The following SAMD11 variants were observed in gnomAD, a reference collection of about 807,000 sequenced individuals.
SAMD11 encodes the protein sterile alpha motif domain-containing protein 11.
SAMD11 carries 77 observed loss-of-function variants against 64.4 expected under a neutral mutation model. That is an observed-to-expected ratio of 1.20 (90% confidence interval 0.99 to 1.44). SAMD11 has a LOEUF of 1.44. Ranked by LOEUF, SAMD11 falls within the 40% of genes most tolerant of loss-of-function variation. The probability of loss-of-function intolerance (pLI) is 0.00; values close to 1 mark genes in which losing one functional copy is unlikely to be tolerated. For synonymous variants in SAMD11, 658 were observed against 421.9 expected, an observed-to-expected ratio of 1.56 and a Z score of -6.86; for missense variants, 1,402 against 943.3, an observed-to-expected ratio of 1.49 and a Z score of -6.37.
At chr1:939,754 C>A (rs1641648326) in intron 7 of SAMD11, among the ~76,000 whole-genome samples, 5 of 152,136 alleles carry the variant, frequency 3.3e-5, no homozygotes, top group Admixed American at 3.3e-4. Context: ...GCTCCTGGAC[C>A]CTGTGGTCTG....
rs749027272 is a variant in SAMD11 at position 926,009 on chromosome 1, C to G, written c.605C>G (p.Pro202Arg). The G allele has an allele frequency of 1.4e-5, 23 of 1,611,444 alleles. No individual in the cohort carries two copies. Among genetic ancestry groups the G allele is most frequent in the Non-Finnish European group, 1.9e-5 (23 of 1,179,838 alleles). The change falls in exon 2 of 14, where the codon CCG becomes CGG. Residue 202 changes from proline to arginine, a missense_variant. By Grantham distance (103) the Pro-to-Arg change is moderately radical. Transcript: ENST00000616016. ...TGCCCGGGCTGCCGAATATCCTCCC[C>G]GGTGGTGAGATGCGGGGCTCGGTTG... is the stretch of plus-strand genomic sequence containing the variant. ...CDCPGCRISS[P>R]VNRGRLADKR...
At chr1:929,283 A>C (rs1318987540) in intron 2 of SAMD11, among the ~76,000 whole-genome samples, 9 of 151,888 alleles carry the variant, frequency 5.9e-5, no homozygotes, top group Non-Finnish European at 2.9e-5. Flanking sequence ...CTCCCACCCG[A>C]GGCACCCACA....
chr1:931,181 G>T, intron 4 of SAMD11, 92 bp downstream of exon 4: 2 of 1,159,284 alleles, frequency 1.7e-6, no homozygotes, highest in African/African-American at 1.6e-5. Flanking sequence ...GCTGTCCGCT[G>T]TCTCAGCGTG....
At position 944,160 on chromosome 1, in the gene SAMD11, C is replaced by G. The variant is rs375115805; in HGVS notation, c.*7C>G. ...TTCCCAGCCTCTGTGTTGAGGTTGC[C>G]GGGGGTAGGGGTGGGGCCACACAAA... is the stretch of plus-strand genomic sequence containing the variant. On this transcript the variant is annotated 3_prime_UTR_variant, in exon 14 of 14. Coordinates refer to ENST00000616016, the MANE Select transcript of SAMD11 (RefSeq NM_001385641.1). The G allele has an allele frequency of 6.5e-6, 10 of 1,540,718 alleles. No individual in the cohort carries two copies. Among genetic ancestry groups the G allele is most frequent in the Non-Finnish European group, 8.8e-6 (10 of 1,142,198 alleles).
intron 12 of SAMD11, 95 bp downstream of exon 12, chr1:943,472 GCC>G: frequency 8.8e-7 from 1 of 1,135,538 alleles, no homozygotes; most frequent in Non-Finnish European, 1.2e-6. Flanking sequence ...ATTCCCCAAC[GCC>G]CTCTCCCTCC....
At chr1:930,926 G>A (rs1037572848) in intron 3 of SAMD11, 113 bp from the exon 4 acceptor site, 2 of 1,034,576 alleles carry the variant, frequency 1.9e-6, no homozygotes, top group East Asian at 2.4e-5. Flanking sequence ...ACTGCCCAGG[G>A]CTGTGGCCCA....
In SAMD11 at chr1:943,291, C is replaced by T. The variant is rs369044819; in HGVS notation, c.2092C>T (p.Pro698Ser). 5.6e-6 allele frequency: 9 copies of T among 1,612,602 alleles called. No individual in the cohort carries two copies. Among genetic ancestry groups the T allele is most frequent in the African/African-American group, 1.3e-5 (1 of 74,858 alleles). ...ACTCTCCATGGATGGGGAGGAGGCC[C>T]CAGCCCCTGAGGACGTCACCAAGTG... ...GGLSMDGEEA[P>S]APEDVTKWTV... The change falls in exon 12 of 14, where the codon CCA (proline) becomes TCA (serine). Residue 698 changes from proline (P) to serine (S), a missense_variant. Pro to Ser is a moderately conservative substitution (Grantham distance 74, BLOSUM62 -1). Coordinates refer to ENST00000616016, the MANE Select transcript of SAMD11 (RefSeq NM_001385641.1).
chr1:943,453 G>C lies in SAMD11; in HGVS notation c.2178+76G>C, dbSNP rs1569921752. 1.0e-5 allele frequency: 13 copies of C among 1,303,590 alleles called. No homozygotes were observed. The Admixed American group carries it at 1.4e-4, about 14-fold the overall frequency. 80.8% of individuals were successfully genotyped at this position (1,303,590 alleles called of 1,614,324 possible). ...ACTACCTCCCTGGAAAGGATGGTGG[G>C]GTAGGGCCATTCCCCAACGCCCTCT... On this transcript the variant is annotated intron_variant, in intron 12 of 13. Coordinates refer to ENST00000616016, the MANE Select transcript of SAMD11 (RefSeq NM_001385641.1).
intron 7 of SAMD11, 195 bp downstream of exon 7, chr1:939,607 C>A: frequency 1.1e-6 from 1 of 922,882 alleles, no homozygotes. Flanking sequence ...CCCCCTGGGG[C>A]GGGCCACACC....
rs1005988416 is a variant in SAMD11, at chr1:930,453, C to T, written c.791+117C>T. 68 of 1,201,462 alleles carry T rather than the reference C, an allele frequency of 5.7e-5. No individual in the cohort carries two copies. The African/African-American group carries it at 1.0e-3, about 18-fold the overall frequency. The allele number at this position is 1,201,462 out of a possible 1,614,324, so 74.4% of individuals were successfully genotyped here. A position where few individuals can be genotyped will look rare whatever the true frequency, so the allele number is the denominator to read the frequency against. On this transcript the variant is annotated intron_variant, in intron 3 of 13. Transcript: ENST00000616016. Reference sequence around the variant, plus strand: ...GGCCTCCCACACCTTCCCTCAGATGCTGGTCTTTTTGGGGTCCTGTGTGGG... The same window carrying T: ...GGCCTCCCACACCTTCCCTCAGATGTTGGTCTTTTTGGGGTCCTGTGTGGG...
At chr1:933,805 C>A (rs970913180) in intron 4 of SAMD11, among the ~76,000 whole-genome samples, 2 of 152,116 alleles carry the variant, frequency 1.3e-5, no homozygotes, top group Non-Finnish European at 2.9e-5. Flanking sequence ...TCTAGGTCTC[C>A]TGGAAGGTTT....
chr1:930,493 T>C (rs1641118567), intron 3 of SAMD11, among the ~76,000 whole-genome samples, 157 bp downstream of exon 3: 1 of 152,172 alleles, frequency 6.6e-6, no homozygotes, highest in South Asian at 2.1e-4. Flanking sequence ...AGGCAGGAGC[T>C]GTTTCCTCAT....
rs903645716 is a variant in SAMD11, at chr1:939,591, C to T, written c.1195+179C>T. 1.3e-5 allele frequency: 16 copies of T among 1,189,108 alleles called. No individual in the cohort carries two copies. The African/African-American group carries it at 1.6e-4, about 12-fold the overall frequency. The allele number at this position is 1,189,108 out of a possible 1,614,324, so 73.7% of individuals were successfully genotyped here. ...CAGGTCCCTCTGCCACACGTCCTGC[C>T]CCATGCCCCCTGGGGCGGGCCACAC... On this transcript the variant is annotated intron_variant, in intron 7 of 13. Transcript: ENST00000616016.
In SAMD11 at chr1:939,324, C is replaced by T; in HGVS notation, c.1107C>T (p.Asp369=). ...TGGGGCCCAGCATGGCCCCGGAGGA[C>T]CATTACCGCCGGCTTGTGTCAGCAC... is the stretch of plus-strand genomic sequence containing the variant. The part of the protein sequence containing the change: ...RELGPSMAPE[D]HYRRLVSALS... Residue 369 remains aspartate (D), a synonymous_variant, in exon 7 of 14, where the codon GAC becomes GAT. Transcript: ENST00000616016. 1 of 1,611,896 alleles carries T rather than the reference C, an allele frequency of 6.2e-7. No individual in the cohort carries two copies. The highest frequency in any genetic ancestry group is 8.5e-7 in the Non-Finnish European group (1 of 1,179,622).
chr1:929,058 A>C (rs1383009930), intron 2 of SAMD11, among the ~76,000 whole-genome samples: 2 of 152,220 alleles, frequency 1.3e-5, no homozygotes, highest in African/African-American at 4.8e-5. Context: ...CTGTTACTAC[A>C]TTTAAAAAAG....
intron 2 of SAMD11, among the ~76,000 whole-genome samples, chr1:927,608 C>G (rs1193532728): frequency 1.3e-5 from 2 of 152,236 alleles, no homozygotes; most frequent in Non-Finnish European, 2.9e-5. Flanking sequence ...GAGGCTGTCT[C>G]CCCCAAGCCC....
intron 12 of SAMD11, 52 bp downstream of exon 12, chr1:943,429 C>G: frequency 1.4e-6 from 2 of 1,438,816 alleles, no homozygotes; most frequent in Non-Finnish European, 1.9e-6. Context: ...CTGGCAGTCA[C>G]TACCTCCCTG....
At chr1:942,028 C>G (rs1277055689) in intron 8 of SAMD11, 108 bp from the exon 9 acceptor site, 3 of 435,184 alleles carry the variant, frequency 6.9e-6, no homozygotes, top group Non-Finnish European at 1.2e-5. Flanking sequence ...AGCTGCGCAT[C>G]GACCGCCCGC....
chr1:936,264 A>G lies in SAMD11; in HGVS notation c.967+368A>G, dbSNP rs868822904. On this transcript the variant is annotated intron_variant, in intron 5 of 13. Transcript: ENST00000616016. ...CCGCCTCCTAGGGCTCCTGGACGGA[A>G]GGGGTCCCCGGTCCCGCCTCCTAGG... Among the ~76,000 whole-genome samples, 797 of 136,458 alleles carry G rather than the reference A, an allele frequency of 5.8e-3. 35 individuals carry two copies. The highest frequency in any genetic ancestry group is 0.023 in the African/African-American group (685 of 29,540). The allele number at this position is 136,458 out of a possible 152,430, so 89.5% of individuals were successfully genotyped here.
Sources: gnomAD v4.1 joint callset for allele counts (sites outside exome capture counted in the v4.1 genomes callset) on GRCh38, gnomAD v4.1.1 for gene constraint, MANE v1.5 for transcripts, NCBI Gene and HGNC (gene_info 2026-07-23, HGNC 2026-07-21) for gene names.